The following LMNTD1 variants were observed in gnomAD, a reference collection of about 807,000 sequenced individuals.
The protein encoded by LMNTD1 is lamin tail domain-containing protein 1.
LMNTD1 carries 35 observed loss-of-function variants against 50.9 expected under a neutral mutation model. The observed-to-expected ratio is 0.69, with a 90% confidence interval of 0.53 to 0.91. The LOEUF (loss-of-function observed/expected upper bound fraction) is 0.91, where lower values mean the gene tolerates loss of function less well. LMNTD1 is among the 40% of genes least tolerant of loss of function. LMNTD1 has a pLI of 0.00. For synonymous variants in LMNTD1, 153 were observed against 161.9 expected, an observed-to-expected ratio of 0.94 and a Z score of 0.42; for missense variants, 470 against 475.5, an observed-to-expected ratio of 0.99 and a Z score of 0.11.
intron 8 of LMNTD1, among the ~76,000 whole-genome samples, chr12:25,515,009 A>G (rs1333231492): frequency 6.6e-6 from 1 of 152,138 alleles, no homozygotes; most frequent in Admixed American, 6.5e-5. Flanking sequence ...AAAATCTAAT[A>G]AAGTTGAAGA....
In LMNTD1 at chr12:25,552,765, C is replaced by A. The variant is rs112240149; in HGVS notation, c.89+106G>T. ...AAAATTTGTGAGATATATTCTAGTT[C>A]TAACTGGTTCATAAGAGTATTGAAA... On this transcript the variant is annotated intron_variant, in intron 2 of 9. Coordinates refer to ENST00000458174, the MANE Select transcript of LMNTD1 (RefSeq NM_001145728.2). The A allele has an allele frequency of 8.8e-5, 61 of 689,428 alleles. No homozygotes were observed. In the African/African-American group the frequency reaches 9.0e-4, roughly 10 times the overall value. 42.7% of individuals were successfully genotyped at this position (689,428 alleles called of 1,614,324 possible).
chr12:25,490,365 G>C (rs1399925786), intron 9 of LMNTD1, among the ~76,000 whole-genome samples: 1 of 151,924 alleles, frequency 6.6e-6, no homozygotes, highest in Non-Finnish European at 1.5e-5. Context: ...CCTTTTTCAA[G>C]GGCCTCATTT....
chr12:25,625,616 G>A (rs1946572607), intron 1 of LMNTD1, among the ~76,000 whole-genome samples: 2 of 152,188 alleles, frequency 1.3e-5, no homozygotes, highest in Non-Finnish European at 2.9e-5. Flanking sequence ...CAGGTCCTGT[G>A]TAGCCTATTA....
At chr12:25,479,353 C>G (rs1273350933) in intron 9 of LMNTD1, among the ~76,000 whole-genome samples, 7 of 152,156 alleles carry the variant, frequency 4.6e-5, no homozygotes, top group African/African-American at 1.7e-4. Context: ...ACTTCTACCC[C>G]TTGATTCCTA....
At chr12:25,499,297 C>G (rs1434781018) in intron 9 of LMNTD1, among the ~76,000 whole-genome samples, 1 of 152,068 alleles carries the variant, frequency 6.6e-6, no homozygotes, top group Non-Finnish European at 1.5e-5. Context: ...TGGTCTTGAA[C>G]TCCCACCTCG....
At chr12:25,559,627 T>G (rs1035888374) in intron 1 of LMNTD1, among the ~76,000 whole-genome samples, 4 of 152,358 alleles carry the variant, frequency 2.6e-5, no homozygotes, top group Middle Eastern at 3.4e-3. Context: ...CCACACTGTC[T>G]TCCACAATGG....
At chr12:25,557,850 T>C (rs1022807388), upstream of LMNTD1, among the ~76,000 whole-genome samples, 17 of 152,192 alleles carry the variant, frequency 1.1e-4, no homozygotes, top group Non-Finnish European at 2.2e-4. Context: ...TTTTCTTCTA[T>C]CATATATGGG....
At chr12:25,588,285 A>G (rs78672754) in intron 1 of LMNTD1, among the ~76,000 whole-genome samples, 2,975 of 152,278 alleles carry the variant, frequency 0.02, 73 homozygotes, top group African/African-American at 0.06. Context: ...AAATTTGGGT[A>G]AAATGGGAGA....
chr12:25,489,085 G>C (rs1450338207), intron 9 of LMNTD1, among the ~76,000 whole-genome samples: 4 of 152,048 alleles, frequency 2.6e-5, no homozygotes, highest in African/African-American at 9.7e-5. Context: ...CTTTTTGTTT[G>C]TCTGTGCCCT....
intron 1 of LMNTD1, among the ~76,000 whole-genome samples, chr12:25,602,035 C>T (rs1230537982): frequency 6.6e-6 from 1 of 151,752 alleles, no homozygotes; most frequent in South Asian, 2.1e-4. Flanking sequence ...TGTTAGAAAC[C>T]ATGTTTTAGG....
intron 1 of LMNTD1, among the ~76,000 whole-genome samples, chr12:25,607,818 G>A (rs150951560): frequency 6.6e-6 from 1 of 152,188 alleles, no homozygotes; most frequent in Admixed American, 6.5e-5. Context: ...CTGTTGATTG[G>A]GGGTGGAGAG....
rs1592084358 is a variant in LMNTD1 at position 25,593,814 on chromosome 12, A to G, written c.59-47260T>C. Among the ~76,000 whole-genome samples the G allele has an allele frequency of 5.9e-5, 9 of 151,374 alleles. No individual in the cohort carries two copies. The South Asian group carries it at 1.9e-3, about 31-fold the overall frequency. On this transcript the variant is annotated intron_variant, in intron 1 of 7. Transcript: ENST00000445693. ...TCTAAGGAAATTAAAAAAAAAAAAA[A>G]GAAAGATACAAGAAGTGAAGGGAGA...
intron 1 of LMNTD1, among the ~76,000 whole-genome samples, chr12:25,644,564 A>G (rs1450780858): frequency 6.6e-6 from 1 of 152,176 alleles, no homozygotes; most frequent in Non-Finnish European, 1.5e-5. Context: ...CAAACAAACA[A>G]AAACAGAATC....
chr12:25,580,286 A>G (rs1945227559), intron 1 of LMNTD1, among the ~76,000 whole-genome samples: 1 of 152,022 alleles, frequency 6.6e-6, no homozygotes, highest in Admixed American at 6.5e-5. Flanking sequence ...ATGTATCTCT[A>G]TTTCAGTATT....
chr12:25,490,255 A>C (rs1174585898), intron 9 of LMNTD1, among the ~76,000 whole-genome samples: 2 of 152,226 alleles, frequency 1.3e-5, no homozygotes, highest in Non-Finnish European at 2.9e-5. Flanking sequence ...GTTTTTTGCT[A>C]GTTGCAAAAG....
At chr12:25,526,305 G>A in intron 5 of LMNTD1, 87 bp from the exon 6 acceptor site, 2 of 1,258,406 alleles carry the variant, frequency 1.6e-6, no homozygotes, top group East Asian at 2.4e-5. Flanking sequence ...TAATCTTTCT[G>A]AACAGATGAG....
chr12:25,623,497 T>C (rs1160866592), intron 1 of LMNTD1, among the ~76,000 whole-genome samples: 1 of 130,794 alleles, frequency 7.6e-6, no homozygotes, highest in Non-Finnish European at 1.5e-5. Context: ...GAGATTGCAG[T>C]GAGCCAAGAT....
intron 1 of LMNTD1, among the ~76,000 whole-genome samples, chr12:25,600,284 T>C (rs2083106030): frequency 6.6e-6 from 1 of 151,994 alleles, no homozygotes; most frequent in Non-Finnish European, 1.5e-5. Context: ...TCTCACCACA[T>C]ACAAAACCAC....
chr12:25,543,648 G>A (rs1419250044), intron 4 of LMNTD1, among the ~76,000 whole-genome samples: 1 of 140,558 alleles, frequency 7.1e-6, no homozygotes, highest in Non-Finnish European at 1.6e-5. Context: ...TTTTTTTCTT[G>A]CTTTCCTAGT....
Sources: gnomAD v4.1 joint callset for allele counts (sites outside exome capture counted in the v4.1 genomes callset) on GRCh38, gnomAD v4.1.1 for gene constraint, MANE v1.5 for transcripts, NCBI Gene and HGNC (gene_info 2026-07-23, HGNC 2026-07-21) for gene names.